CIB4: variants seen among roughly 807,000 people sequenced by gnomAD.
CIB4 encodes calcium and integrin-binding family member 4.
CIB4 carries 25 observed loss-of-function variants against 25.8 expected under a neutral mutation model. The ratio of observed to expected loss-of-function variants is 0.97; its 90% CI spans 0.71 to 1.35. CIB4 has a LOEUF of 1.35. CIB4 is among the 40% of genes most tolerant of loss of function. The pLI, the probability that CIB4 is intolerant of heterozygous loss-of-function variation, is 0.00. For synonymous variants in CIB4, 75 were observed against 81.4 expected (o/e 0.92, Z 0.42); for missense variants, 235 against 228.2 (o/e 1.03, Z -0.19).
At chr2:26,611,568 C>T (rs1441918893) in intron 3 of CIB4, among the ~76,000 whole-genome samples, 1 of 152,216 alleles carries the variant, frequency 6.6e-6, no homozygotes, top group East Asian at 1.9e-4. Context: ...TTAATGATTG[C>T]GTAGTTCAAA....
At chr2:26,632,463 G>A (rs78407309) in intron 2 of CIB4, among the ~76,000 whole-genome samples, 7,683 of 152,166 alleles carry the variant, frequency 0.05, 667 homozygotes, top group African/African-American at 0.18. Flanking sequence ...GGCCTACAAG[G>A]GGCGAGGGGT....
intron 2 of CIB4, among the ~76,000 whole-genome samples, chr2:26,631,892 T>G (rs1377510518): frequency 6.6e-6 from 1 of 152,204 alleles, no homozygotes; most frequent in Non-Finnish European, 1.5e-5. Context: ...AGCCAGCTTC[T>G]GCAGCTCCAG....
intron 3 of CIB4, among the ~76,000 whole-genome samples, chr2:26,607,316 G>C (rs1162874096): frequency 1.3e-5 from 2 of 152,122 alleles, no homozygotes; most frequent in Admixed American, 1.3e-4. Flanking sequence ...TTTTAATAGT[G>C]CAACTTGCCC....
chr2:26,622,493 G>A (rs573177162), intron 3 of CIB4, among the ~76,000 whole-genome samples: 1 of 152,260 alleles, frequency 6.6e-6, no homozygotes, highest in Admixed American at 6.5e-5. Context: ...GAGGGGAAGA[G>A]CTTTAGCTCT....
intron 2 of CIB4, among the ~76,000 whole-genome samples, chr2:26,631,458 A>G (rs1436661392): frequency 6.6e-6 from 1 of 152,200 alleles, no homozygotes; most frequent in Non-Finnish European, 1.5e-5. Context: ...TGGGCGACAG[A>G]GCAAGACCCC....
At chr2:26,617,894 C>T (rs759966529) in intron 3 of CIB4, among the ~76,000 whole-genome samples, 11 of 152,264 alleles carry the variant, frequency 7.2e-5, no homozygotes, top group African/African-American at 2.6e-4. Context: ...CCTCTGGACA[C>T]GGTAGAAAAT....
intron 3 of CIB4, among the ~76,000 whole-genome samples, chr2:26,621,633 C>G (rs530285938): frequency 6.6e-6 from 1 of 152,260 alleles, no homozygotes; most frequent in Admixed American, 6.5e-5. Context: ...CTCCATGCAG[C>G]CTTTATCAGA....
intron 5 of CIB4, 137 bp downstream of exon 5, chr2:26,583,652 A>C: frequency 1.5e-6 from 1 of 663,894 alleles, no homozygotes; most frequent in African/African-American, 1.8e-5. Flanking sequence ...TGTGTGCACC[A>C]AAGGCCAATG....
In CIB4 at chr2:26,595,176, C is replaced by T; in HGVS notation, c.328G>A (p.Asp110Asn). 6.2e-7 allele frequency: 1 copy of T among 1,608,014 alleles called. No homozygotes were observed. The highest frequency in any genetic ancestry group is 2.2e-5 in the East Asian group (1 of 44,652). The change falls in exon 4 of 7, where the codon GAT becomes AAT. Residue 110 changes from aspartate to asparagine, a missense_variant and splice_region_variant. Transcript: ENST00000288861. ...CCCCTCAGTCCCCCACAGCACCTAC[C>T]ATAGATGCGAAAGGCATACTCAATC... ...LKIEYAFRIY[D>N]FNENGFIDEE...
intron 3 of CIB4, among the ~76,000 whole-genome samples, chr2:26,600,507 G>T (rs1233825688): frequency 6.6e-6 from 1 of 152,186 alleles, no homozygotes; most frequent in East Asian, 1.9e-4. Context: ...AAAGAAAGAG[G>T]TAGATGAAGG....
rs1405987438 is a variant in CIB4 at position 26,589,069 on chromosome 2, T to C, written c.329-5171A>G. On this transcript the variant is annotated intron_variant, in intron 4 of 6. Coordinates refer to ENST00000288861, the MANE Select transcript of CIB4 (RefSeq NM_001029881.3). ...CTTCTTCTTCTTCTTCCTCTTCCTC[T>C]TCCTCTTCTTCTTCTTCTTCTTCTT... Among the ~76,000 whole-genome samples, 51 of 64,290 alleles carry C rather than the reference T, an allele frequency of 7.9e-4. 3 individuals carry two copies. The highest frequency in any genetic ancestry group is 2.5e-3 in the African/African-American group (32 of 12,748). 42.2% of individuals were successfully genotyped at this position (64,290 alleles called of 152,430 possible).
intron 3 of CIB4, among the ~76,000 whole-genome samples, chr2:26,623,044 A>T (rs2148219104): frequency 6.6e-6 from 1 of 152,048 alleles, no homozygotes; most frequent in East Asian, 1.9e-4. Flanking sequence ...AATTTTTTTT[A>T]ATTAGAATAA....
At chr2:26,630,230 G>A (rs1266885859) in intron 2 of CIB4, among the ~76,000 whole-genome samples, 1 of 152,180 alleles carries the variant, frequency 6.6e-6, no homozygotes, top group Non-Finnish European at 1.5e-5. Context: ...CAGGCTAAGA[G>A]AGGATGAGCC....
At chr2:26,597,139 T>C (rs1017416049) in intron 3 of CIB4, among the ~76,000 whole-genome samples, 2 of 152,238 alleles carry the variant, frequency 1.3e-5, no homozygotes, top group South Asian at 4.1e-4. Flanking sequence ...ATAGAAATGC[T>C]TATATTACAT....
chr2:26,624,318 A>C (rs971924336), intron 3 of CIB4, among the ~76,000 whole-genome samples: 2 of 152,196 alleles, frequency 1.3e-5, no homozygotes, highest in Non-Finnish European at 2.9e-5. Flanking sequence ...CAGAGGATGC[A>C]GGCACAGCCG....
intron 2 of CIB4, among the ~76,000 whole-genome samples, chr2:26,632,754 T>C (rs1041278800): frequency 3.1e-5 from 3 of 97,578 alleles, no homozygotes; most frequent in African/African-American, 9.8e-5. Flanking sequence ...TGAGACTCCA[T>C]CTCAAAAAAA....
chr2:26,604,807 A>T (rs145964928), intron 3 of CIB4, among the ~76,000 whole-genome samples: 2 of 152,362 alleles, frequency 1.3e-5, no homozygotes, highest in Non-Finnish European at 2.9e-5. Context: ...ATCCTTTTCA[A>T]GAAGACAAAT....
intron 3 of CIB4, among the ~76,000 whole-genome samples, chr2:26,620,378 G>A (rs548018122): frequency 1.3e-5 from 2 of 151,944 alleles, no homozygotes; most frequent in African/African-American, 2.4e-5. Context: ...CCCCACCCCC[G>A]CCAACCTACA....
chr2:26,635,300 C>G (rs1171904137), intron 2 of CIB4, among the ~76,000 whole-genome samples: 4 of 152,224 alleles, frequency 2.6e-5, no homozygotes, highest in African/African-American at 7.2e-5. Context: ...AACATGAGGT[C>G]TCCCCCCACC....
Sources: allele counts gnomAD v4.1 joint callset (sites outside exome capture counted in the v4.1 genomes callset), GRCh38; gene constraint gnomAD v4.1.1; transcripts MANE v1.5; gene names NCBI Gene and HGNC (gene_info 2026-07-23, HGNC 2026-07-21).